Variants in RAB3C observed in about 807,000 individuals in gnomAD.
RAB3C encodes the protein ras-related protein Rab-3C.
Under a neutral mutation model 26.4 loss-of-function variants are expected in RAB3C, and 17 were observed. The ratio of observed to expected loss-of-function variants is 0.64; its 90% CI spans 0.44 to 0.97. The LOEUF is 0.97. RAB3C is among the 50% of genes least tolerant of loss of function. The pLI is 0.00. For missense variants in RAB3C, 242 were observed against 281.9 expected (o/e 0.86, Z 1.01); for synonymous variants, 91 against 95.9 (o/e 0.95, Z 0.30).
At chr5:58,615,886 G>T (rs1047007599) in intron 1 of RAB3C, among the ~76,000 whole-genome samples, 1 of 151,794 alleles carries the variant, frequency 6.6e-6, no homozygotes, top group Non-Finnish European at 1.5e-5. Context: ...GTGTTATCTT[G>T]CTGGCATTAA....
At chr5:58,698,201 T>C (rs1047662989) in intron 2 of RAB3C, among the ~76,000 whole-genome samples, 7 of 152,184 alleles carry the variant, frequency 4.6e-5, no homozygotes, top group African/African-American at 1.7e-4. Flanking sequence ...TTTGGCTGGA[T>C]ATGAAATTCT....
At chr5:58,739,916 C>A (rs1312590302) in intron 3 of RAB3C, among the ~76,000 whole-genome samples, 1 of 152,182 alleles carries the variant, frequency 6.6e-6, no homozygotes, top group Non-Finnish European at 1.5e-5. Flanking sequence ...TGAAAGCAAT[C>A]ATTAGTGGAT....
At chr5:58,780,620 A>G (rs1331959494) in intron 3 of RAB3C, among the ~76,000 whole-genome samples, 1 of 152,064 alleles carries the variant, frequency 6.6e-6, no homozygotes, top group African/African-American at 2.4e-5. Context: ...TCCAGGTATT[A>G]CCTTATGAAC....
chr5:58,789,999 GT>G (rs1222015551), intron 3 of RAB3C, among the ~76,000 whole-genome samples: 1 of 152,186 alleles, frequency 6.6e-6, no homozygotes, highest in Non-Finnish European at 1.5e-5. Context: ...GACATTATGG[GT>G]TTTAAAAGCT....
chr5:58,594,058 T>G (rs1427164301), intron 1 of RAB3C, among the ~76,000 whole-genome samples: 1 of 152,166 alleles, frequency 6.6e-6, no homozygotes, highest in Non-Finnish European at 1.5e-5. Context: ...AGAGGTAAGG[T>G]CATCAGCCTC....
chr5:58,723,686 A>T (rs908230212), intron 2 of RAB3C, among the ~76,000 whole-genome samples: 8 of 151,784 alleles, frequency 5.3e-5, no homozygotes, highest in African/African-American at 1.9e-4. Flanking sequence ...TGAGACGTTA[A>T]TTTCATTTTG....
At chr5:58,767,145 G>C (rs1741926218) in intron 3 of RAB3C, among the ~76,000 whole-genome samples, 1 of 152,180 alleles carries the variant, frequency 6.6e-6, no homozygotes, top group Admixed American at 6.5e-5. Flanking sequence ...GTTAATTTCA[G>C]ACAAAAACTG....
At chr5:58,794,971 G>A (rs1376941009) in intron 3 of RAB3C, among the ~76,000 whole-genome samples, 1 of 152,206 alleles carries the variant, frequency 6.6e-6, no homozygotes, top group African/African-American at 2.4e-5. Context: ...TATTGATATG[G>A]TTTGGCTGTG....
chr5:58,656,208 G>T (rs1439265011), intron 2 of RAB3C, among the ~76,000 whole-genome samples: 1 of 152,162 alleles, frequency 6.6e-6, no homozygotes, highest in East Asian at 1.9e-4. Flanking sequence ...TAGAAGTTTT[G>T]ATCTAGTTTA....
At chr5:58,753,786 T>C (rs1468229212) in intron 3 of RAB3C, among the ~76,000 whole-genome samples, 1 of 152,146 alleles carries the variant, frequency 6.6e-6, no homozygotes, top group African/African-American at 2.4e-5. Context: ...TGGTGGTGTC[T>C]GGGATGAAAT....
chr5:58,612,487 G>GGTGTGT (rs372157686), intron 1 of RAB3C, among the ~76,000 whole-genome samples: 72 of 113,018 alleles, frequency 6.4e-4, no homozygotes, highest in African/African-American at 2.5e-3. Flanking sequence ...TGTGTTCCTA[G>GGTGTGT]GTGTGTGTGT....
chr5:58,798,223 C>G (rs1021407296), intron 3 of RAB3C, among the ~76,000 whole-genome samples: 1 of 152,046 alleles, frequency 6.6e-6, no homozygotes, highest in African/African-American at 2.4e-5. Flanking sequence ...CTAAAACATC[C>G]TGGTTAAAAG....
At chr5:58,735,324 G>A (rs11744921) in intron 3 of RAB3C, among the ~76,000 whole-genome samples, 1,785 of 152,300 alleles carry the variant, frequency 0.012, 12 homozygotes, top group Middle Eastern at 0.037. Context: ...GAGCATGTCT[G>A]CAACTATCCA....
At position 58,825,157 on chromosome 5, in the gene RAB3C, A is replaced by G; in HGVS notation, c.491A>G (p.Gln164Arg). The G allele has an allele frequency of 6.2e-7, 1 of 1,610,252 alleles. No homozygotes were observed. Among genetic ancestry groups the G allele is most frequent in the Non-Finnish European group, 8.5e-7 (1 of 1,178,092 alleles). The change falls in exon 4 of 5, where the codon CAG (glutamine) becomes CGG (arginine). Residue 164 changes from glutamine (Q) to arginine (R), a missense_variant. By Grantham distance (43) the Gln-to-Arg change is conservative. Transcript: ENST00000282878. ...GAGCGAGGTCAACATTTAGGAGAAC[A>G]GCTTGGTAAGAAACAAATTAATAAG... Reference protein sequence around the residue: ...STERGQHLGEQLGFEFFETSA... With the variant: ...STERGQHLGERLGFEFFETSA...
At chr5:58,611,363 CCT>C (rs1007827171) in intron 1 of RAB3C, among the ~76,000 whole-genome samples, 3 of 152,080 alleles carry the variant, frequency 2.0e-5, no homozygotes, top group Non-Finnish European at 4.4e-5. Flanking sequence ...TATAAGCATT[CCT>C]TTTTCTCTGC....
rs941808992 is a variant in RAB3C, at chr5:58,853,157, T to C, written c.*1806T>C. On this transcript the variant is annotated 3_prime_UTR_variant, in exon 5 of 5. Coordinates refer to ENST00000282878, the MANE Select transcript of RAB3C (RefSeq NM_138453.4). ...GTAAAGACAAGAAAACATTAATGTT[T>C]TATTAGTTTTTAATGGGGCAACCAA... is the stretch of plus-strand genomic sequence containing the variant. 3 of 152,186 alleles carry C rather than the reference T, an allele frequency of 2.0e-5. No homozygotes were observed. The highest frequency in any genetic ancestry group is 6.5e-5 in the Admixed American group (1 of 15,274). The allele number at this position is 152,186 out of a possible 1,614,324, so 9.4% of individuals were successfully genotyped here. A position where few individuals can be genotyped will look rare whatever the true frequency, so the allele number is the denominator to read the frequency against.
chr5:58,767,082 A>G (rs1741924961), intron 3 of RAB3C, among the ~76,000 whole-genome samples: 1 of 152,180 alleles, frequency 6.6e-6, no homozygotes, highest in African/African-American at 2.4e-5. Flanking sequence ...TGGACAGATC[A>G]GTGCCAGTAC....
intron 3 of RAB3C, among the ~76,000 whole-genome samples, chr5:58,753,985 C>T (rs1267629346): frequency 1.3e-5 from 2 of 152,030 alleles, no homozygotes; most frequent in East Asian, 3.9e-4. Context: ...ATTAGTGGGC[C>T]AAGACGTGTC....
chr5:58,714,813 A>T (rs866401848), intron 2 of RAB3C, among the ~76,000 whole-genome samples: 1 of 152,110 alleles, frequency 6.6e-6, no homozygotes, highest in Admixed American at 6.6e-5. Context: ...AAAATTTTCA[A>T]CCAAAGAGAA....
Sources: allele counts gnomAD v4.1 joint callset (sites outside exome capture counted in the v4.1 genomes callset), GRCh38; gene constraint gnomAD v4.1.1; transcripts MANE v1.5; gene names NCBI Gene and HGNC (gene_info 2026-07-23, HGNC 2026-07-21).